The following PCDHA9 variants were observed in gnomAD, a reference collection of about 807,000 sequenced individuals.
The protein encoded by PCDHA9 is protocadherin alpha 9.
In PCDHA9, 62 loss-of-function variants were observed where a neutral mutation model predicts 62.0. That is an observed-to-expected ratio of 1.00 (90% confidence interval 0.81 to 1.23). The LOEUF is 1.23. Ranked by LOEUF, PCDHA9 falls within the 50% of genes most tolerant of loss-of-function variation. The pLI is 0.00. For synonymous variants in PCDHA9, 557 were observed against 567.6 expected, an observed-to-expected ratio of 0.98 and a Z score of 0.27; for missense variants, 1,205 against 1,249.8, an observed-to-expected ratio of 0.96 and a Z score of 0.54.
chr5:140,931,546 A>G (rs1416561002), intron 1 of PCDHA9, among the ~76,000 whole-genome samples: 1 of 152,048 alleles, frequency 6.6e-6, no homozygotes, highest in Non-Finnish European at 1.5e-5. Flanking sequence ...TACTGTTCAT[A>G]TGTGCAGGAA....
At chr5:140,968,464 C>G (rs1554230763) in intron 1 of PCDHA9, 1 of 1,614,114 alleles carries the variant, frequency 6.2e-7, no homozygotes, top group Non-Finnish European at 8.5e-7. Flanking sequence ...TGACTGCCAA[C>G]GTATATGTGG....
chr5:140,882,169 C>A, intron 1 of PCDHA9: 1 of 1,511,484 alleles, frequency 6.6e-7, no homozygotes, highest in Non-Finnish European at 8.8e-7. Flanking sequence ...TCTTGCGAAT[C>A]CTTCCGCACT....
At chr5:140,972,500 T>C (rs1554234162) in intron 1 of PCDHA9, among the ~76,000 whole-genome samples, 1 of 152,108 alleles carries the variant, frequency 6.6e-6, no homozygotes, top group Non-Finnish European at 1.5e-5. Flanking sequence ...AATCTGTTGG[T>C]AGATTTTACC....
intron 1 of PCDHA9, among the ~76,000 whole-genome samples, chr5:140,904,463 AT>A (rs2071154368): frequency 6.6e-6 from 1 of 151,520 alleles, no homozygotes; most frequent in Non-Finnish European, 1.5e-5. Flanking sequence ...ACACTTGTTG[AT>A]TGGTGGCTAT....
intron 3 of PCDHA9, 47 bp from the exon 4 acceptor site, chr5:141,009,580 G>T: frequency 1.3e-6 from 2 of 1,588,168 alleles, no homozygotes; most frequent in South Asian, 2.3e-5. Context: ...GTGGCATCAA[G>T]AGCATGTGTT....
At chr5:140,918,331 G>A (rs1429617568) in intron 1 of PCDHA9, among the ~76,000 whole-genome samples, 1 of 152,114 alleles carries the variant, frequency 6.6e-6, no homozygotes, top group Non-Finnish European at 1.5e-5. Context: ...TATATTGTCT[G>A]CTAAGAGAGA....
Position 141,010,072 on chromosome 5 carries a change from C to T in PCDHA9, c.*135C>T. The T allele has an allele frequency of 3.1e-6, 5 of 1,606,334 alleles. No individual in the cohort carries two copies. The highest frequency in any genetic ancestry group is 4.3e-6 in the Non-Finnish European group (5 of 1,176,104). On this transcript the variant is annotated 3_prime_UTR_variant, in exon 4 of 4. Transcript: ENST00000532602. Reference sequence around the variant, plus strand: ...ACCTCAGAAATCTGCAGAAAGTTCCCTGTGTCTGTCTAGAACGCATTTAAC... The same window carrying T: ...ACCTCAGAAATCTGCAGAAAGTTCCTTGTGTCTGTCTAGAACGCATTTAAC...
chr5:140,909,895 C>A (rs1296442880), intron 1 of PCDHA9, among the ~76,000 whole-genome samples: 1 of 152,152 alleles, frequency 6.6e-6, no homozygotes, highest in Non-Finnish European at 1.5e-5. Context: ...GTTCAGTAGT[C>A]CCTGAAATGG....
chr5:140,884,833 C>T (rs1175023363), intron 1 of PCDHA9: 1 of 916,514 alleles, frequency 1.1e-6, no homozygotes, highest in Non-Finnish European at 1.5e-6. Flanking sequence ...GTTGGATTAT[C>T]CTTCAGAGTG....
chr5:140,981,883 C>T (rs1488792007), intron 2 of PCDHA9, among the ~76,000 whole-genome samples: 1 of 152,146 alleles, frequency 6.6e-6, no homozygotes, highest in Non-Finnish European at 1.5e-5. Context: ...GAATTAATCT[C>T]TTCTGAGCGG....
At chr5:140,857,215 G>A in intron 1 of PCDHA9, 1 of 1,598,474 alleles carries the variant, frequency 6.3e-7, no homozygotes. Flanking sequence ...GCTCTCTGAC[G>A]CCTCACGTTC....
chr5:140,938,124 A>G (rs2091929948), intron 1 of PCDHA9, among the ~76,000 whole-genome samples: 1 of 152,076 alleles, frequency 6.6e-6, no homozygotes, highest in South Asian at 2.1e-4. Flanking sequence ...TTTTTTTAAA[A>G]AAATAGAGAT....
At chr5:140,966,683 G>A (rs1357691419) in intron 1 of PCDHA9, 1 of 1,331,590 alleles carries the variant, frequency 7.5e-7, no homozygotes. Flanking sequence ...TGGCACGAGC[G>A]GAGGCGGGGC....
At chr5:140,926,854 G>C (rs1554203742) in intron 1 of PCDHA9, 3 of 1,520,530 alleles carry the variant, frequency 2.0e-6, no homozygotes, top group South Asian at 2.6e-5. Flanking sequence ...GTCACCGTTG[G>C]TGTAGCGTGT....
At chr5:140,987,880 T>A (rs2097271532) in intron 3 of PCDHA9, among the ~76,000 whole-genome samples, 1 of 152,112 alleles carries the variant, frequency 6.6e-6, no homozygotes, top group Non-Finnish European at 1.5e-5. Context: ...AAATGGACAG[T>A]TTATGTGCCC....
At chr5:140,887,369 T>C (rs782675531) in intron 1 of PCDHA9, among the ~76,000 whole-genome samples, 1 of 152,200 alleles carries the variant, frequency 6.6e-6, no homozygotes, top group Non-Finnish European at 1.5e-5. Context: ...GTGCTGGGAT[T>C]ACAGGTGTGA....
At chr5:140,988,959 C>G (rs1308701267) in intron 3 of PCDHA9, 3 of 152,056 alleles carry the variant, frequency 2.0e-5, no homozygotes, top group Non-Finnish European at 4.4e-5. Context: ...CCTTCAAGCC[C>G]CACGATGGAG....
chr5:140,934,515 C>A (rs1163045974), intron 1 of PCDHA9, among the ~76,000 whole-genome samples: 1 of 152,214 alleles, frequency 6.6e-6, no homozygotes, highest in Admixed American at 6.5e-5. Context: ...GGTCCATAGA[C>A]CACACTTCGA....
chr5:140,976,414 G>A (rs1242756697), intron 1 of PCDHA9, among the ~76,000 whole-genome samples: 2 of 151,998 alleles, frequency 1.3e-5, no homozygotes, highest in African/African-American at 2.4e-5. Context: ...AGCCAGGTAC[G>A]GTGGCAGATG....
Sources: gnomAD v4.1 joint callset for allele counts (sites outside exome capture counted in the v4.1 genomes callset) on GRCh38, gnomAD v4.1.1 for gene constraint, MANE v1.5 for transcripts, NCBI Gene and HGNC (gene_info 2026-07-23, HGNC 2026-07-21) for gene names.